Variants in TMEM220 observed in about 807,000 individuals in gnomAD.
TMEM220 encodes the protein transmembrane protein 220.
A neutral mutation model predicts 21.7 loss-of-function variants in TMEM220; 21 were observed. That is an observed-to-expected ratio of 0.97 (90% confidence interval 0.69 to 1.39). The LOEUF (loss-of-function observed/expected upper bound fraction) is 1.39. Among genes scored for constraint, TMEM220 ranks in the 40% most tolerant of loss-of-function variants. The probability of loss-of-function intolerance (pLI) is 0.00; values close to 1 mark genes in which losing one functional copy is unlikely to be tolerated. For synonymous variants in TMEM220, 80 were observed against 73.6 expected, an observed-to-expected ratio of 1.09 and a Z score of -0.45; for missense variants, 191 against 201.9, an observed-to-expected ratio of 0.95 and a Z score of 0.33.
chr17:10,722,094 G>A (rs1410672201), intron 5 of TMEM220, among the ~76,000 whole-genome samples: 1 of 151,760 alleles, frequency 6.6e-6, no homozygotes, highest in Non-Finnish European at 1.5e-5. Context: ...CCGGGTTCAA[G>A]CGATTCTCTT....
chr17:10,720,595 A>G (rs2074976200), intron 5 of TMEM220, among the ~76,000 whole-genome samples: 1 of 152,226 alleles, frequency 6.6e-6, no homozygotes, highest in Non-Finnish European at 1.5e-5. Context: ...ATTTCTTTTA[A>G]TATATCTTAT....
intron 2 of TMEM220, among the ~76,000 whole-genome samples, chr17:10,728,208 C>A (rs552008434): frequency 1.3e-5 from 2 of 150,512 alleles, no homozygotes; most frequent in South Asian, 4.2e-4. Flanking sequence ...GGAACAATGG[C>A]CCCCTCCTCC....
At chr17:10,729,669 C>T (rs1028982952) in intron 1 of TMEM220, 111 bp downstream of exon 1, 49 of 933,026 alleles carry the variant, frequency 5.3e-5, no homozygotes, top group Non-Finnish European at 7.0e-5. Flanking sequence ...CCGTCCTCCC[C>T]ACTAACTGTG....
intron 5 of TMEM220, among the ~76,000 whole-genome samples, chr17:10,719,100 A>AT (rs1257054856): frequency 6.6e-6 from 1 of 152,198 alleles, no homozygotes; most frequent in Non-Finnish European, 1.5e-5. Flanking sequence ...TTTAGCAGTT[A>AT]TATCTTCTTG....
In TMEM220 at chr17:10,714,444, A is replaced by T. The variant is rs1429391643; in HGVS notation, c.*1009T>A. ...TTGGACATCCATTTATAAAGAATGT[A>T]TATAGATTTTGACCTTATTTCTCAT... On this transcript the variant is annotated 3_prime_UTR_variant, in exon 6 of 6. Coordinates refer to ENST00000341871, the MANE Select transcript of TMEM220 (RefSeq NM_001004313.3). The T allele has an allele frequency of 6.6e-6, 1 of 151,394 alleles. No individual in the cohort carries two copies. Among genetic ancestry groups the T allele is most frequent in the Non-Finnish European group, 1.5e-5 (1 of 67,906 alleles). 9.4% of individuals were successfully genotyped at this position (151,394 alleles called of 1,614,324 possible).
At chr17:10,716,573 A>G (rs1298542370) in intron 5 of TMEM220, 5 of 534,554 alleles carry the variant, frequency 9.4e-6, no homozygotes, top group African/African-American at 1.9e-5. Flanking sequence ...CGCGGTCTGC[A>G]CCCAACACTC....
intron 3 of TMEM220, among the ~76,000 whole-genome samples, chr17:10,725,338 T>A (rs1013574238): frequency 9.2e-5 from 14 of 152,296 alleles, no homozygotes; most frequent in Admixed American, 8.5e-4. Flanking sequence ...GTTTGGGTTG[T>A]TCAGCAGCTC....
chr17:10,727,992 C>A (rs1200582499), intron 2 of TMEM220, among the ~76,000 whole-genome samples: 1 of 152,050 alleles, frequency 6.6e-6, no homozygotes, highest in Non-Finnish European at 1.5e-5. Flanking sequence ...GAAACCCTGT[C>A]TCTACTAAAA....
At chr17:10,728,911 G>C in intron 2 of TMEM220, 120 bp downstream of exon 2, 1 of 1,107,636 alleles carries the variant, frequency 9.0e-7, no homozygotes, top group Non-Finnish European at 1.4e-6. Flanking sequence ...CCAAGGGTTT[G>C]ATTTTTAAGT....
chr17:10,726,965 T>C (rs1354560402), intron 2 of TMEM220, among the ~76,000 whole-genome samples: 1 of 152,212 alleles, frequency 6.6e-6, no homozygotes, highest in Admixed American at 6.5e-5. Context: ...ACAATGTAGC[T>C]GTCTAATCAC....
chr17:10,729,668 C>T, intron 1 of TMEM220, 112 bp downstream of exon 1: 1 of 923,004 alleles, frequency 1.1e-6, no homozygotes, highest in South Asian at 3.4e-5. Flanking sequence ...CCCGTCCTCC[C>T]CACTAACTGT....
At chr17:10,718,341 C>T (rs140557856) in intron 5 of TMEM220, among the ~76,000 whole-genome samples, 2 of 152,046 alleles carry the variant, frequency 1.3e-5, no homozygotes, top group Admixed American at 1.3e-4. Context: ...CTTCCTTGTG[C>T]TCTTTTTTCC....
intron 5 of TMEM220, among the ~76,000 whole-genome samples, chr17:10,716,747 C>CAT (rs1297152711): frequency 6.6e-6 from 1 of 152,158 alleles, no homozygotes; most frequent in Admixed American, 6.5e-5. Flanking sequence ...CCATCTTTGC[C>CAT]ATAAGTCAAA....
At chr17:10,722,984 CTT>C (rs11463233) in intron 5 of TMEM220, among the ~76,000 whole-genome samples, 46 of 139,544 alleles carry the variant, frequency 3.3e-4, no homozygotes, top group Admixed American at 5.7e-4. Flanking sequence ...GATGTGATTT[CTT>C]TTTTTTTTTT....
At chr17:10,717,783 A>G (rs1330312661) in intron 5 of TMEM220, among the ~76,000 whole-genome samples, 3 of 152,000 alleles carry the variant, frequency 2.0e-5, no homozygotes, top group Non-Finnish European at 4.4e-5. Context: ...ATCTAGGTCT[A>G]GAGTTTTCCT....
At chr17:10,718,558 A>C (rs1321200434) in intron 5 of TMEM220, among the ~76,000 whole-genome samples, 3 of 152,234 alleles carry the variant, frequency 2.0e-5, no homozygotes, top group East Asian at 1.9e-4. Flanking sequence ...AGCTTAAAAA[A>C]AAAATGTACT....
Position 10,729,764 on chromosome 17 carries a change from A to G in TMEM220, c.72+16T>C. On this transcript the variant is annotated intron_variant, in intron 1 of 5. Transcript: ENST00000341871. Reference sequence around the variant, plus strand: ...TGGGAGCCGGGCGGGTCCCCCTCCCACCGCGGCCGCCTGACCTGCACCAAG... The same window carrying G: ...TGGGAGCCGGGCGGGTCCCCCTCCCGCCGCGGCCGCCTGACCTGCACCAAG... 7.4e-7 allele frequency: 1 copy of G among 1,355,970 alleles called. No homozygotes were observed. Among genetic ancestry groups the G allele is most frequent in the South Asian group, 1.7e-5 (1 of 59,174 alleles). 84.0% of individuals were successfully genotyped at this position (1,355,970 alleles called of 1,614,324 possible). A position where few individuals can be genotyped will look rare whatever the true frequency, so the allele number is the denominator to read the frequency against.
chr17:10,728,538 T>C (rs1357333975), intron 2 of TMEM220, among the ~76,000 whole-genome samples: 1 of 152,178 alleles, frequency 6.6e-6, no homozygotes, highest in Non-Finnish European at 1.5e-5. Flanking sequence ...CTAGAACTCC[T>C]GACCTCAAGT....
intron 4 of TMEM220, 107 bp downstream of exon 4, chr17:10,724,904 A>C: frequency 2.0e-6 from 3 of 1,474,206 alleles, no homozygotes; most frequent in Non-Finnish European, 2.8e-6. Flanking sequence ...CACAGGGTAC[A>C]CTGGGGGAAT....
Sources: gnomAD v4.1 joint callset for allele counts (sites outside exome capture counted in the v4.1 genomes callset) on GRCh38, gnomAD v4.1.1 for gene constraint, MANE v1.5 for transcripts, NCBI Gene and HGNC (gene_info 2026-07-23, HGNC 2026-07-21) for gene names.